CDC123: variants seen among roughly 807,000 people sequenced by gnomAD.
The protein encoded by CDC123 is cell division cycle 123, also known as translation initiation factor eIF2 assembly protein.
Under a neutral mutation model 54.4 loss-of-function variants are expected in CDC123, and 37 were observed. That is an observed-to-expected ratio of 0.68 (90% CI 0.52 to 0.89). The LOEUF is 0.89. CDC123 is among the 40% of genes least tolerant of loss of function. The pLI, the probability that CDC123 is intolerant of heterozygous loss-of-function variation, is 0.00. For synonymous variants in CDC123, 144 were observed against 136.8 expected (o/e 1.05, Z -0.37); for missense variants, 361 against 412.1 (o/e 0.88, Z 1.07).
chr10:12,246,224 A>C lies in CDC123; in HGVS notation c.793A>C (p.Ile265Leu). 2 of 1,614,182 alleles carry C rather than the reference A, an allele frequency of 1.2e-6. No individual in the cohort carries two copies. Among genetic ancestry groups the C allele is most frequent in the Non-Finnish European group, 8.5e-7 (1 of 1,180,014 alleles). The change falls in exon 11 of 13, where the codon ATA (isoleucine) becomes CTA (leucine). Residue 265 changes from isoleucine (I) to leucine (L), a missense_variant. Physicochemically the swap from Ile to Leu is conservative, Grantham distance 5. Coordinates refer to ENST00000281141, the MANE Select transcript of CDC123 (RefSeq NM_006023.3). ...ACTGCTGTTCACCTGGGAAGAACTG[A>C]TATCTGAGAACAACTTAAACGGCGA... ...DSLLFTWEEL[I>L]SENNLNGDFS... is the part of the protein sequence containing the mutation.
chr10:12,201,931 G>C (rs1456703857), intron 2 of CDC123, among the ~76,000 whole-genome samples: 1 of 152,112 alleles, frequency 6.6e-6, no homozygotes, highest in Non-Finnish European at 1.5e-5. Flanking sequence ...CTTGATGACA[G>C]GAATGTGTCA....
chr10:12,245,189 A>C (rs1836114805), intron 10 of CDC123: 1 of 152,110 alleles, frequency 6.6e-6, no homozygotes, highest in Non-Finnish European at 1.5e-5. Flanking sequence ...CTCCGGGAAG[A>C]CGCTTTGGTC....
chr10:12,196,814 C>A (rs1427914401), intron 1 of CDC123, among the ~76,000 whole-genome samples: 1 of 152,238 alleles, frequency 6.6e-6, no homozygotes, highest in South Asian at 2.1e-4. Flanking sequence ...AGTGTTCTCA[C>A]CACAAAAATA....
intron 6 of CDC123, among the ~76,000 whole-genome samples, chr10:12,220,748 T>C (rs112779292): frequency 3.9e-5 from 6 of 152,054 alleles, no homozygotes; most frequent in African/African-American, 1.4e-4. Flanking sequence ...GAGGCCGAGG[T>C]GGGCGGATCA....
chr10:12,239,301 C>G (rs970882932), intron 10 of CDC123, among the ~76,000 whole-genome samples: 4 of 152,072 alleles, frequency 2.6e-5, no homozygotes, highest in African/African-American at 9.7e-5. Context: ...CTTTATTGAA[C>G]AGGTAGGTAA....
Position 12,239,460 on chromosome 10 carries a change from C to T in CDC123, c.717+975C>T, listed in dbSNP as rs529851064. On this transcript the variant is annotated intron_variant, in intron 10 of 12. Transcript: ENST00000281141. ...GGGTGCAGTGGCTCACGCCCGTAAT[C>T]CCAGCACTTTGGGAGGCTGAGGCGG... 2.2e-3 allele frequency among the ~76,000 whole-genome samples: 337 copies of T among 152,286 alleles called. 1 individual carries two copies. Among genetic ancestry groups the T allele is most frequent in the African/African-American group, 7.9e-3 (327 of 41,570 alleles).
At chr10:12,227,249 AGAGAGG>A (rs1259449728) in intron 6 of CDC123, among the ~76,000 whole-genome samples, 3 of 123,884 alleles carry the variant, frequency 2.4e-5, no homozygotes, top group Non-Finnish European at 4.9e-5. Flanking sequence ...GACCGTGGAG[AGAGAGG>A]GAGAGGGAGA....
At chr10:12,200,250 C>T (rs2131729499) in intron 2 of CDC123, among the ~76,000 whole-genome samples, 1 of 149,726 alleles carries the variant, frequency 6.7e-6, no homozygotes, top group South Asian at 2.1e-4. Context: ...CTACAGCCTC[C>T]CAACTAGCTG....
intron 6 of CDC123, among the ~76,000 whole-genome samples, chr10:12,222,923 G>A (rs12098457): frequency 0.024 from 3,614 of 150,430 alleles, 145 homozygotes; most frequent in African/African-American, 0.084. Context: ...ACGGAGTCTC[G>A]CTCTGTTGCC....
At chr10:12,239,298 G>C (rs1024513860) in intron 10 of CDC123, among the ~76,000 whole-genome samples, 1 of 152,060 alleles carries the variant, frequency 6.6e-6, no homozygotes, top group Non-Finnish European at 1.5e-5. Context: ...ATTCTTTATT[G>C]AACAGGTAGG....
Position 12,210,285 on chromosome 10 carries a change from T to C in CDC123, c.205-5T>C. On this transcript the variant is annotated splice_polypyrimidine_tract_variant and splice_region_variant and intron_variant, in intron 3 of 12. Transcript: ENST00000281141. ...TGTTTTATTTTTTTCCTCTTTTTCA[T>C]GCAGTGGTCTGATGATGAGAACACA... 3 of 1,614,036 alleles carry C rather than the reference T, an allele frequency of 1.9e-6. No homozygotes were observed. Among genetic ancestry groups the C allele is most frequent in the South Asian group, 2.2e-5 (2 of 91,050 alleles).
chr10:12,229,993 A>T (rs1246256705), intron 6 of CDC123, among the ~76,000 whole-genome samples: 1 of 152,206 alleles, frequency 6.6e-6, no homozygotes, highest in Non-Finnish European at 1.5e-5. Context: ...GTTGAGAATC[A>T]GGGGTTAGAC....
intron 6 of CDC123, among the ~76,000 whole-genome samples, chr10:12,225,193 G>C (rs977977086): frequency 6.6e-6 from 1 of 152,124 alleles, no homozygotes; most frequent in Admixed American, 6.5e-5. Context: ...TCGGGAGTTT[G>C]AGACCAGCCT....
rs367583669 is a variant in CDC123 at position 12,230,989 on chromosome 10, A to C, written c.482A>C (p.Glu161Ala). The C allele has an allele frequency of 1.9e-6, 3 of 1,609,210 alleles. No individual in the cohort carries two copies. Among genetic ancestry groups the C allele is most frequent in the Non-Finnish European group, 2.5e-6 (3 of 1,177,430 alleles). The change falls in exon 7 of 13, where the codon GAA (glutamate) becomes GCA (alanine). Residue 161 changes from glutamate to alanine, a missense_variant. Transcript: ENST00000281141. ...CTDDSPDPCI[E>A]YELVLRKWCE... The stretch of plus-strand genomic sequence containing the variant: ...GATGATTCTCCAGATCCATGTATAG[A>C]ATATGAGGTAAGAAGCTTATTTTCT...
intron 2 of CDC123, 37 bp from the exon 3 acceptor site, chr10:12,209,930 T>A: frequency 6.2e-6 from 10 of 1,606,400 alleles, no homozygotes; most frequent in Non-Finnish European, 8.5e-6. Context: ...GGTGCCCAAG[T>A]CCTTTTCTTT....
chr10:12,236,242 A>G (rs542736146), intron 8 of CDC123, among the ~76,000 whole-genome samples: 12 of 152,222 alleles, frequency 7.9e-5, no homozygotes, highest in East Asian at 1.9e-4. Flanking sequence ...TTGCTGCTTT[A>G]ATTTTTTACA....
At chr10:12,209,600 A>T (rs919677135) in intron 2 of CDC123, among the ~76,000 whole-genome samples, 3 of 152,034 alleles carry the variant, frequency 2.0e-5, no homozygotes, top group South Asian at 2.1e-4. Context: ...TTACGTTGTC[A>T]CCCAGGCTGG....
intron 2 of CDC123, among the ~76,000 whole-genome samples, chr10:12,202,334 T>C (rs1216129874): frequency 6.6e-6 from 1 of 152,190 alleles, no homozygotes; most frequent in Non-Finnish European, 1.5e-5. Context: ...ATGTATTCTT[T>C]TATGTCTGTG....
intron 6 of CDC123, among the ~76,000 whole-genome samples, chr10:12,226,940 C>T (rs1835828708): frequency 6.6e-6 from 1 of 152,148 alleles, no homozygotes; most frequent in South Asian, 2.1e-4. Flanking sequence ...GCCGAGATCA[C>T]ACCACTGCAC....
Sources: allele counts gnomAD v4.1 joint callset (sites outside exome capture counted in the v4.1 genomes callset), GRCh38; gene constraint gnomAD v4.1.1; transcripts MANE v1.5; gene names NCBI Gene and HGNC (gene_info 2026-07-23, HGNC 2026-07-21).